SHC3: variants seen among roughly 807,000 people sequenced by gnomAD.
SHC3 encodes SHC adaptor protein 3, also known as SHC-transforming protein 3.
In SHC3, 15 loss-of-function variants were observed where a neutral mutation model predicts 60.4. The ratio of observed to expected loss-of-function variants is 0.25; its 90% CI spans 0.17 to 0.38. The LOEUF is 0.38. Among genes scored for constraint, SHC3 ranks in the 10% least tolerant of loss-of-function variants. The probability of loss-of-function intolerance (pLI) is 1.00; values close to 1 mark genes in which losing one functional copy is unlikely to be tolerated. For missense variants in SHC3, 677 were observed against 786.1 expected (o/e 0.86, Z 1.66); for synonymous variants, 294 against 325.9 (o/e 0.90, Z 1.05).
At chr9:89,015,165 C>T (rs1172563134) in intron 11 of SHC3, among the ~76,000 whole-genome samples, 2 of 152,248 alleles carry the variant, frequency 1.3e-5, no homozygotes, top group African/African-American at 4.8e-5. Context: ...GAAAGACCCC[C>T]TGAGTAACTC....
intron 4 of SHC3, among the ~76,000 whole-genome samples, chr9:89,072,117 T>C (rs1414663763): frequency 6.6e-6 from 1 of 152,112 alleles, no homozygotes; most frequent in Non-Finnish European, 1.5e-5. Flanking sequence ...ACCTGTGGAG[T>C]GGCTTCAGTC....
intron 1 of SHC3, among the ~76,000 whole-genome samples, chr9:89,115,415 A>G (rs1346382307): frequency 6.6e-6 from 1 of 152,150 alleles, no homozygotes; most frequent in Non-Finnish European, 1.5e-5. Flanking sequence ...CACCACATTC[A>G]CTGTCAGAGA....
At chr9:89,031,681 AT>A (rs1328705832) in intron 11 of SHC3, among the ~76,000 whole-genome samples, 1 of 152,212 alleles carries the variant, frequency 6.6e-6, no homozygotes, top group Non-Finnish European at 1.5e-5. Context: ...GCTATTATGA[AT>A]AATGCTACTA....
intron 11 of SHC3, among the ~76,000 whole-genome samples, chr9:89,029,164 A>T (rs1453093428): frequency 6.6e-6 from 1 of 151,686 alleles, no homozygotes; most frequent in African/African-American, 2.4e-5. Context: ...CAGAAGGTCT[A>T]CTCCCTCAAC....
intron 2 of SHC3, among the ~76,000 whole-genome samples, chr9:89,110,993 C>T (rs530942806): frequency 2.0e-5 from 3 of 152,230 alleles, no homozygotes; most frequent in South Asian, 4.2e-4. Flanking sequence ...TGTTCCCCCA[C>T]CCCACCACTA....
intron 11 of SHC3, among the ~76,000 whole-genome samples, chr9:89,034,130 T>C (rs954283839): frequency 6.6e-6 from 1 of 152,194 alleles, no homozygotes; most frequent in Admixed American, 6.6e-5. Context: ...ATATTAACAA[T>C]TTAAAAAACA....
chr9:89,157,022 C>T (rs1013278753), intron 1 of SHC3, among the ~76,000 whole-genome samples: 9 of 152,226 alleles, frequency 5.9e-5, no homozygotes, highest in Admixed American at 2.0e-4. Context: ...TAAACCCTTA[C>T]GTTTAAGCCA....
chr9:89,071,346 C>CA, intron 4 of SHC3, 94 bp from the exon 5 acceptor site: 5 of 1,278,062 alleles, frequency 3.9e-6, no homozygotes, highest in Non-Finnish European at 5.6e-6. Context: ...TACAAATTGA[C>CA]ATGTTTTCCT....
intron 6 of SHC3, among the ~76,000 whole-genome samples, chr9:89,054,159 G>A (rs1450347430): frequency 2.0e-5 from 3 of 152,212 alleles, no homozygotes; most frequent in Non-Finnish European, 4.4e-5. Flanking sequence ...CTGAGAGCAT[G>A]AAGCCTGGGA....
intron 6 of SHC3, 131 bp from the exon 7 acceptor site, chr9:89,052,294 T>A (rs1408185339): frequency 1.8e-6 from 2 of 1,115,150 alleles, no homozygotes; most frequent in Non-Finnish European, 2.5e-6. Context: ...TCCTAGCAGA[T>A]CCAACCACAG....
intron 2 of SHC3, among the ~76,000 whole-genome samples, chr9:89,087,943 T>G (rs1447468749): frequency 6.6e-6 from 1 of 152,220 alleles, no homozygotes; most frequent in Non-Finnish European, 1.5e-5. Flanking sequence ...TGAAAGTATT[T>G]TACCTCAAAT....
chr9:89,178,148 G>A lies in SHC3; in HGVS notation c.313C>T (p.Leu105=). 1.6e-6 allele frequency: 2 copies of A among 1,214,466 alleles called. No homozygotes were observed. Among genetic ancestry groups the A allele is most frequent in the Non-Finnish European group, 2.0e-6 (2 of 976,570 alleles). The allele number at this position is 1,214,466 out of a possible 1,614,324, so 75.2% of individuals were successfully genotyped here. Residue 105 remains leucine (L), a synonymous_variant, in exon 1 of 12, where the codon CTG becomes TTG. Transcript: ENST00000375835. This position sits in a 1 kb window ranked among gnomAD's most constrained non-coding sequence, Gnocchi z 6.9. ...RLSGSCSAPS[L]AAPDGSAPSA... Reference sequence around the variant, plus strand: ...GGCGCACTGCCGTCCGGGGCGGCCAGGCTGGGCGCGCTGCAGCTGCCCGAG... The same window carrying A: ...GGCGCACTGCCGTCCGGGGCGGCCAAGCTGGGCGCGCTGCAGCTGCCCGAG...
At chr9:89,142,869 T>G (rs1360041372) in intron 1 of SHC3, among the ~76,000 whole-genome samples, 1 of 151,992 alleles carries the variant, frequency 6.6e-6, no homozygotes, top group African/African-American at 2.4e-5. Flanking sequence ...GTATCATACC[T>G]TTGGAGTTCA....
chr9:89,043,044 A>T (rs903981833), intron 9 of SHC3, among the ~76,000 whole-genome samples: 1 of 152,066 alleles, frequency 6.6e-6, no homozygotes, highest in African/African-American at 2.4e-5. Context: ...TTCTTACGTA[A>T]ACATGTTCGC....
chr9:89,130,861 A>G (rs552236015), intron 1 of SHC3, among the ~76,000 whole-genome samples: 2 of 152,294 alleles, frequency 1.3e-5, no homozygotes, highest in South Asian at 4.2e-4. Flanking sequence ...GAGAAGCAAG[A>G]GCAAACACAT....
At chr9:89,171,726 G>A (rs1013578148) in intron 1 of SHC3, among the ~76,000 whole-genome samples, 1 of 152,190 alleles carries the variant, frequency 6.6e-6, no homozygotes, top group Admixed American at 6.5e-5. Flanking sequence ...GACAGGGTAA[G>A]GCACCTGCTC....
At position 89,011,049 on chromosome 9, in the gene SHC3, C is replaced by A. The variant is rs1026642521; in HGVS notation, c.*2398G>T. The A allele has an allele frequency of 1.3e-5, 2 of 152,186 alleles. No individual in the cohort carries two copies. Among genetic ancestry groups the A allele is most frequent in the Non-Finnish European group, 2.9e-5 (2 of 68,056 alleles). The allele number at this position is 152,186 out of a possible 1,614,324, so 9.4% of individuals were successfully genotyped here. On this transcript the variant is annotated 3_prime_UTR_variant, in exon 12 of 12. Transcript: ENST00000375835. ...AACCCACTTTACAAATGGGAGGGAACAAAGATTAGAAAATCGCTGCCATCT... is the reference window on the plus strand; with the variant it reads ...AACCCACTTTACAAATGGGAGGGAAAAAAGATTAGAAAATCGCTGCCATCT...
chr9:89,073,382 G>A lies in SHC3; in HGVS notation c.729+1727C>T, dbSNP rs9410310. Among the ~76,000 whole-genome samples the A allele has an allele frequency of 5.9e-3, 904 of 152,310 alleles. 6 individuals are homozygous for A. The highest frequency in any genetic ancestry group is 9.7e-3 in the Non-Finnish European group (660 of 68,024). ...CCTAAATCACGTGTTTTGCCCTGAG[G>A]GTGTTGCATCTCATTTCCACTAGGA... On this transcript the variant is annotated intron_variant, in intron 4 of 11. Transcript: ENST00000375835.
rs1365839255 is a variant in SHC3, at chr9:89,178,182, G to T, written c.279C>A (p.Gly93=). The change falls in exon 1 of 12, where the codon GGC becomes GGA. Residue 93 remains glycine (G), a synonymous_variant. Coordinates refer to ENST00000375835, the MANE Select transcript of SHC3 (RefSeq NM_016848.6). The surrounding 1 kb of genome is among the most constrained non-coding windows in gnomAD (Gnocchi z 6.9). ...GLSSAARERA[G]ARLSGSCSAP... is the part of the protein sequence containing the mutation. ...CGCTGCAGCTGCCCGAGAGCCGCGC[G>T]CCCGCCCGCTCCCGGGCGGCCGACG... 9 of 1,327,744 alleles carry T rather than the reference G, an allele frequency of 6.8e-6. No homozygotes were observed. Among genetic ancestry groups the T allele is most frequent in the Non-Finnish European group, 7.7e-6 (8 of 1,040,824 alleles). The allele number at this position is 1,327,744 out of a possible 1,614,324, so 82.2% of individuals were successfully genotyped here. A position where few individuals can be genotyped will look rare whatever the true frequency, so the allele number is the denominator to read the frequency against.
Sources: gnomAD v4.1 joint callset for allele counts (sites outside exome capture counted in the v4.1 genomes callset) on GRCh38, gnomAD v4.1.1 for gene constraint, Gnocchi (gnomAD v3.1) non-coding constraint, MANE v1.5 for transcripts, NCBI Gene and HGNC (gene_info 2026-07-23, HGNC 2026-07-21) for gene names.